Variants in NLRX1 observed in about 807,000 individuals in gnomAD.
NLRX1 encodes NOD-like receptor X1.
A neutral mutation model predicts 74.2 loss-of-function variants in NLRX1; 67 were observed. The observed-to-expected ratio is 0.90, with a 90% CI of 0.74 to 1.11. The LOEUF is 1.11. Among genes scored for constraint, NLRX1 ranks in the 50% least tolerant of loss-of-function variants. NLRX1 has a pLI of 0.00. For missense variants in NLRX1, 1,191 were observed against 1,305.4 expected (o/e 0.91, Z 1.35); for synonymous variants, 506 against 559.1 (o/e 0.91, Z 1.34).
intron 6 of NLRX1, 47 bp downstream of exon 6, chr11:119,175,321 C>T: frequency 6.5e-7 from 1 of 1,548,260 alleles, no homozygotes; most frequent in Non-Finnish European, 8.8e-7. Flanking sequence ...CTTCCCTCCC[C>T]AGCACCCCAA....
chr11:119,175,268 G>T lies in NLRX1; in HGVS notation c.1665G>T (p.Leu555=). The change falls in exon 6 of 10, where the codon CTG becomes CTT. Residue 555 remains leucine, a synonymous_variant. Coordinates refer to ENST00000409109, the MANE Select transcript of NLRX1 (RefSeq NM_001282144.2). ...PLRALPLLFN[L]IKVVPRVFGR... is the part of the protein sequence containing the mutation. ...GGGCTCTGCCTCTGCTCTTCAACCT[G>T]ATCAAGGTAACATCCCGATCAAGGT... The T allele has an allele frequency of 6.2e-7, 1 of 1,612,438 alleles. No homozygotes were observed. Among genetic ancestry groups the T allele is most frequent in the Non-Finnish European group, 8.5e-7 (1 of 1,179,022 alleles).
intron 6 of NLRX1, among the ~76,000 whole-genome samples, chr11:119,178,114 G>A (rs947180518): frequency 2.0e-5 from 3 of 152,104 alleles, no homozygotes; most frequent in African/African-American, 7.2e-5. Context: ...GCTACAGTGA[G>A]CTATGATCAC....
intron 3 of NLRX1, 55 bp from the exon 4 acceptor site, chr11:119,172,846 T>C: frequency 7.5e-7 from 1 of 1,331,082 alleles, no homozygotes; most frequent in Non-Finnish European, 1.1e-6. Flanking sequence ...CCAGAGCCTG[T>C]GAAGGGGCTG....
intron 3 of NLRX1, 54 bp from the exon 4 acceptor site, chr11:119,172,847 G>C: frequency 7.5e-7 from 1 of 1,339,382 alleles, no homozygotes; most frequent in Non-Finnish European, 1.1e-6. Context: ...CAGAGCCTGT[G>C]AAGGGGCTGA....
chr11:119,174,523 G>A lies in NLRX1; in HGVS notation c.920G>A (p.Gly307Asp). ...RIPSKYVGRY[G>D]EICGFSDTNL... ...CCCAGCAAGTACGTGGGCCGCTATG[G>A]TGAGATCTGCGGTTTCTCTGATACC... Residue 307 changes from glycine to aspartate, a missense_variant, in exon 6 of 10, where the codon GGT becomes GAT. Physicochemically the swap from Gly to Asp is moderately conservative, Grantham distance 94. Transcript: ENST00000409109. 6.2e-7 allele frequency: 1 copy of A among 1,614,218 alleles called. No homozygotes were observed. Among genetic ancestry groups the A allele is most frequent in the Non-Finnish European group, 8.5e-7 (1 of 1,180,042 alleles).
chr11:119,172,261 CT>C, intron 2 of NLRX1, 94 bp from the exon 3 acceptor site: 1 of 932,926 alleles, frequency 1.1e-6, no homozygotes, highest in South Asian at 1.3e-5. Flanking sequence ...GCAGTACATG[CT>C]GCTATGAGAG....
chr11:119,170,222 G>T (rs1263048502), intron 1 of NLRX1, among the ~76,000 whole-genome samples: 1 of 152,024 alleles, frequency 6.6e-6, no homozygotes, highest in Non-Finnish European at 1.5e-5. Flanking sequence ...CTTTTCGGGA[G>T]GTGCTTGGTG....
At chr11:119,175,390 C>G in intron 6 of NLRX1, 116 bp downstream of exon 6, 1 of 816,250 alleles carries the variant, frequency 1.2e-6, no homozygotes, top group Non-Finnish European at 1.9e-6. Context: ...CAGCAGGAAA[C>G]TGCTGCTTCC....
At position 119,183,518 on chromosome 11, in the gene NLRX1, T is replaced by C. The variant is rs965204456; in HGVS notation, c.*79T>C. 3 of 1,356,148 alleles carry C rather than the reference T, an allele frequency of 2.2e-6. No homozygotes were observed. The highest frequency in any genetic ancestry group is 1.4e-5 in the African/African-American group (1 of 69,490). 84.0% of individuals were successfully genotyped at this position (1,356,148 alleles called of 1,614,324 possible). On this transcript the variant is annotated 3_prime_UTR_variant, in exon 10 of 10. Coordinates refer to ENST00000409109, the MANE Select transcript of NLRX1 (RefSeq NM_001282144.2). The surrounding 1 kb of genome is among the most constrained non-coding windows in gnomAD (Gnocchi z 5.7). ...TCTGTGGCCTCCTGGCTTGCACTGCTCCCTCTAGAAAGATTCCTTCAGGTC... is the reference window on the plus strand; with the variant it reads ...TCTGTGGCCTCCTGGCTTGCACTGCCCCCTCTAGAAAGATTCCTTCAGGTC...
In NLRX1 at chr11:119,171,421, T is replaced by C. The variant is rs759952818; in HGVS notation, c.18T>C (p.His6=). 19 of 1,613,822 alleles carry C rather than the reference T, an allele frequency of 1.2e-5. No homozygotes were observed. In the East Asian group the frequency reaches 2.2e-4, roughly 19 times the overall value. The change falls in exon 2 of 10, where the codon CAT becomes CAC. Residue 6 remains histidine, a synonymous_variant. Coordinates refer to ENST00000409109, the MANE Select transcript of NLRX1 (RefSeq NM_001282144.2). MRWGH[H]LPRASWGSGF... Reference sequence around the variant, plus strand: ...TTCCCAGGATGAGGTGGGGCCACCATTTGCCCAGGGCCTCTTGGGGCTCTG... The same window carrying C: ...TTCCCAGGATGAGGTGGGGCCACCACTTGCCCAGGGCCTCTTGGGGCTCTG...
chr11:119,181,388 CCCCT>C (rs1249526137), intron 8 of NLRX1, 131 bp downstream of exon 8: 1 of 677,402 alleles, frequency 1.5e-6, no homozygotes, highest in Non-Finnish European at 2.7e-6. Flanking sequence ...CCTGACCTGT[CCCCT>C]CCACTTCCCC....
chr11:119,173,536 A>G lies in NLRX1; in HGVS notation c.287A>G (p.Glu96Gly). ...GAGTGGTTCAGCCGGCTGCCCAGGG[A>G]GGAGCGCCAGTTTGGCCCAACCTTT... ...LAEWFSRLPREERQFGPTFAL... is the reference protein window; with the variant it reads ...LAEWFSRLPRGERQFGPTFAL... Residue 96 changes from glutamate to glycine, a missense_variant, in exon 5 of 10, where the codon GAG (glutamate) becomes GGG (glycine). Transcript: ENST00000409109. The surrounding 1 kb of genome is among the most constrained non-coding windows in gnomAD (Gnocchi z 4.0). 6.2e-7 allele frequency: 1 copy of G among 1,614,118 alleles called. No homozygotes were observed. The highest frequency in any genetic ancestry group is 8.5e-7 in the Non-Finnish European group (1 of 1,180,022).
At chr11:119,171,202 G>A (rs1055142900) in intron 1 of NLRX1, among the ~76,000 whole-genome samples, 154 bp from the exon 2 acceptor site, 3 of 152,214 alleles carry the variant, frequency 2.0e-5, no homozygotes, top group East Asian at 1.9e-4. Context: ...GGAGAGGGAC[G>A]AGAGCTGAAA....
At chr11:119,172,008 A>G (rs1407589448) in intron 2 of NLRX1, among the ~76,000 whole-genome samples, 1 of 152,092 alleles carries the variant, frequency 6.6e-6, no homozygotes, top group East Asian at 1.9e-4. Context: ...TCTTGTAGCT[A>G]CATAAGTCTA....
In NLRX1 at chr11:119,179,698, TCCACGAG is replaced by T. The variant is rs1224228880; in HGVS notation, c.1678_1684del (p.Pro560CysfsTer78). ...CTCCCCTGCTTCTTTTTCAGGTGGTTCCACGAGTGTTTGGGCGCATGGTGGGTAAAAG... is the reference window on the plus strand; with the variant it reads ...CTCCCCTGCTTCTTTTTCAGGTGGTTTGTTTGGGCGCATGGTGGGTAAAAG... On this transcript the variant is annotated frameshift_variant, in exon 7 of 10. Transcript: ENST00000409109. LOFTEE classifies it high-confidence loss of function. The T allele has an allele frequency of 3.1e-6, 5 of 1,588,620 alleles. No individual in the cohort carries two copies. The South Asian group carries it at 5.7e-5, about 18-fold the overall frequency.
At position 119,179,572 on chromosome 11, in the gene NLRX1, TGCTAA is replaced by T. The variant is rs1420192165; in HGVS notation, c.1672-119_1672-115del. On this transcript the variant is annotated intron_variant, in intron 6 of 9. Coordinates refer to ENST00000409109, the MANE Select transcript of NLRX1 (RefSeq NM_001282144.2). The stretch of plus-strand genomic sequence containing the variant: ...GGGAGTAGCATGATCAGACAAATTA[TGCTAA>T]GTTCAAGGGGAGATCACAGGGCTGG... The T allele has an allele frequency of 3.7e-6, 3 of 804,936 alleles. No homozygotes were observed. The Admixed American group carries it at 7.7e-5, about 21-fold the overall frequency. 49.9% of individuals were successfully genotyped at this position (804,936 alleles called of 1,614,324 possible).
rs372684482 is a variant in NLRX1 at position 119,180,278 on chromosome 11, C to T, written c.2257C>T (p.Arg753Trp). 1.2e-4 allele frequency: 193 copies of T among 1,578,336 alleles called. No individual in the cohort carries two copies. The highest frequency in any genetic ancestry group is 1.7e-4 in the Middle Eastern group (1 of 5,934). The change falls in exon 7 of 10, where the codon CGG becomes TGG. Residue 753 changes from arginine to tryptophan, a missense_variant. Physicochemically the swap from Arg to Trp is moderately radical, Grantham distance 101. Transcript: ENST00000409109. ...RTLLPVFLRA[R>W]KLGLQLNSLG... ...ACTCCTGCCTGTCTTCCTGCGTGCC[C>T]GGAAGCTGGGGTGAGGACCTATCCT...
rs756480247 is a variant in NLRX1, at chr11:119,183,169, G to C, written c.2658G>C (p.Leu886Phe). The C allele has an allele frequency of 6.2e-7, 1 of 1,614,144 alleles. No homozygotes were observed. Among genetic ancestry groups the C allele is most frequent in the Non-Finnish European group, 8.5e-7 (1 of 1,180,012 alleles). The change falls in exon 10 of 10, where the codon TTG becomes TTC. Residue 886 changes from leucine (L) to phenylalanine (F), a missense_variant. Physicochemically the swap from Leu to Phe is conservative, Grantham distance 22. Coordinates refer to ENST00000409109, the MANE Select transcript of NLRX1 (RefSeq NM_001282144.2). The surrounding 1 kb of genome is among the most constrained non-coding windows in gnomAD (Gnocchi z 5.7). ...AGGGCCGCCAGGTCTTGCGAGACTTGGGGGGTGCTGCTGAAGGTGGTGCCC... is the reference window on the plus strand; with the variant it reads ...AGGGCCGCCAGGTCTTGCGAGACTTCGGGGGTGCTGCTGAAGGTGGTGCCC... ...SSEGRQVLRD[L>F]GGAAEGGARV...
intron 8 of NLRX1, 28 bp from the exon 9 acceptor site, chr11:119,182,066 C>T (rs373384635): frequency 6.2e-7 from 1 of 1,609,444 alleles, no homozygotes; most frequent in Non-Finnish European, 8.5e-7. Context: ...AATGAGCCCT[C>T]ATAACCTTGG....
Sources: allele counts gnomAD v4.1 joint callset (sites outside exome capture counted in the v4.1 genomes callset), GRCh38; gene constraint gnomAD v4.1.1; non-coding constraint Gnocchi (gnomAD v3.1); transcripts MANE v1.5; gene names NCBI Gene and HGNC (gene_info 2026-07-23, HGNC 2026-07-21).